Variants in PTGES3 observed in about 807,000 individuals in gnomAD.
PTGES3 encodes prostaglandin E synthase 3.
A neutral mutation model predicts 29.9 loss-of-function variants in PTGES3; 5 were observed. That is an observed-to-expected ratio of 0.17 (90% CI 0.09 to 0.35). The LOEUF (loss-of-function observed/expected upper bound fraction) is 0.35, where lower values mean the gene tolerates loss of function less well. PTGES3 is among the 10% of genes least tolerant of loss of function. The pLI is 1.00. For missense variants in PTGES3, 128 were observed against 190.0 expected, an observed-to-expected ratio of 0.67 and a Z score of 1.92; for synonymous variants, 49 against 57.8, an observed-to-expected ratio of 0.85 and a Z score of 0.69.
In PTGES3 at chr12:56,686,125, G is replaced by A. The variant is rs532039958; in HGVS notation, c.2+1873C>T. Among the ~76,000 whole-genome samples the A allele has an allele frequency of 1.2e-4, 17 of 147,380 alleles. No homozygotes were observed. In the East Asian group the frequency reaches 1.8e-3, roughly 16 times the overall value. On this transcript the variant is annotated intron_variant, in intron 1 of 7. Transcript: ENST00000262033. ...TAAATCTACTTTCCTAGTAATAGCC[G>A]TTCCTTACCTATTTAAATATCTCAT...
chr12:56,687,236 T>G, intron 1 of PTGES3: 1 of 1,023,022 alleles, frequency 9.8e-7, no homozygotes, highest in Non-Finnish European at 1.2e-6. Context: ...TGTAACAAGA[T>G]AGTGAAACCT....
intron 1 of PTGES3, among the ~76,000 whole-genome samples, chr12:56,684,456 T>C (rs1952730938): frequency 6.6e-6 from 1 of 152,208 alleles, no homozygotes; most frequent in South Asian, 2.1e-4. Flanking sequence ...ATATAGCATA[T>C]GTTCACTACG....
At chr12:56,675,898 G>A (rs1049290705) in intron 1 of PTGES3, among the ~76,000 whole-genome samples, 1 of 151,976 alleles carries the variant, frequency 6.6e-6, no homozygotes, top group African/African-American at 2.4e-5. Context: ...ACTCCAGCCT[G>A]GACAACAGCG....
rs530433523 is a variant in PTGES3 at position 56,680,577 on chromosome 12, C to CA, written c.2+7420dup. ...TTTTTTTTAAGTAGAGATGGGGTTT[C>CA]ACCACGCTGGTCAGGCTGGTCTCCA... On this transcript the variant is annotated intron_variant, in intron 1 of 7. Transcript: ENST00000262033. Among the ~76,000 whole-genome samples, 73 of 151,848 alleles carry CA rather than the reference C, an allele frequency of 4.8e-4. No homozygotes were observed. The South Asian group carries it at 5.0e-3, about 10-fold the overall frequency.
chr12:56,681,995 C>T (rs957690172), intron 1 of PTGES3, among the ~76,000 whole-genome samples: 1 of 151,990 alleles, frequency 6.6e-6, no homozygotes, highest in African/African-American at 2.4e-5. Context: ...TACAGGCACC[C>T]GCCACGGTGC....
At chr12:56,679,436 G>A (rs1381070407) in intron 1 of PTGES3, among the ~76,000 whole-genome samples, 3 of 143,082 alleles carry the variant, frequency 2.1e-5, no homozygotes, top group African/African-American at 7.7e-5. Flanking sequence ...AAAAAAGCAT[G>A]GAATGTCCGC....
At chr12:56,680,731 G>A (rs935870450) in intron 1 of PTGES3, among the ~76,000 whole-genome samples, 1 of 151,756 alleles carries the variant, frequency 6.6e-6, no homozygotes, top group Non-Finnish European at 1.5e-5. Context: ...TCCTGATTCA[G>A]GATAAGTGTA....
intron 1 of PTGES3, among the ~76,000 whole-genome samples, chr12:56,675,398 G>A (rs2137649300): frequency 6.6e-6 from 1 of 151,772 alleles, no homozygotes; most frequent in Non-Finnish European, 1.5e-5. Context: ...CTGTGGTTAG[G>A]CCATGAACCA....
Position 56,688,058 on chromosome 12 carries a change from T to G in PTGES3, c.-59A>C. On this transcript the variant is annotated 5_prime_UTR_variant, in exon 1 of 8. Coordinates refer to ENST00000262033, the MANE Select transcript of PTGES3 (RefSeq NM_006601.7). ...GGCGGGCCTCTCTGGCGGCGGCTGC[T>G]GCTAGGGAGTCGACTTCTCTCCGGT... 1 of 1,474,604 alleles carries G rather than the reference T, an allele frequency of 6.8e-7. No homozygotes were observed. The highest frequency in any genetic ancestry group is 9.0e-7 in the Non-Finnish European group (1 of 1,111,118). 91.3% of individuals were successfully genotyped at this position (1,474,604 alleles called of 1,614,324 possible). A position where few individuals can be genotyped will look rare whatever the true frequency, so the allele number is the denominator to read the frequency against.
chr12:56,682,319 G>A (rs911997769), intron 1 of PTGES3, among the ~76,000 whole-genome samples: 1 of 152,162 alleles, frequency 6.6e-6, no homozygotes, highest in Non-Finnish European at 1.5e-5. Context: ...AGCACTCTGG[G>A]AGGCTGAGGA....
At chr12:56,685,350 C>T (rs1439457234) in intron 1 of PTGES3, among the ~76,000 whole-genome samples, 2 of 151,068 alleles carry the variant, frequency 1.3e-5, no homozygotes, top group Non-Finnish European at 2.9e-5. Context: ...GCCCAACACT[C>T]TTCAAGTGGC....
At chr12:56,674,430 G>A (rs182385110) in intron 1 of PTGES3, among the ~76,000 whole-genome samples, 57 of 152,284 alleles carry the variant, frequency 3.7e-4, no homozygotes, top group African/African-American at 1.4e-3. Flanking sequence ...GGTGGCTCAC[G>A]CCTGTAATCC....
chr12:56,672,823 T>A lies in PTGES3; in HGVS notation c.117-14A>T. On this transcript the variant is annotated splice_polypyrimidine_tract_variant and intron_variant, in intron 2 of 7. Coordinates refer to ENST00000262033, the MANE Select transcript of PTGES3 (RefSeq NM_006601.7). ...CCTCCGAGACAACTGTATAAAATAA[T>A]AAAGAAAGAATTAAGCCTCTTCAAA... 6.4e-7 allele frequency: 1 copy of A among 1,569,586 alleles called. No homozygotes were observed. The highest frequency in any genetic ancestry group is 8.6e-7 in the Non-Finnish European group (1 of 1,161,508).
intron 7 of PTGES3, 36 bp downstream of exon 7, chr12:56,664,740 T>C: frequency 6.4e-7 from 1 of 1,569,346 alleles, no homozygotes; most frequent in Non-Finnish European, 8.7e-7. Context: ...TGATGCAAAG[T>C]ATCACTGTAT....
intron 1 of PTGES3, among the ~76,000 whole-genome samples, chr12:56,679,850 T>G (rs557767533): frequency 1.3e-5 from 2 of 152,024 alleles, no homozygotes; most frequent in Non-Finnish European, 2.9e-5. Context: ...AATTTTTGTA[T>G]TTTTAGTAGA....
In PTGES3 at chr12:56,688,088, A is replaced by C; in HGVS notation, c.-89T>G. ...GGGAGTCGACTTCTCTCCGGTGGCG[A>C]CTCCGCTTTTTCTCTCCGGTCGCGG... On this transcript the variant is annotated 5_prime_UTR_variant, in exon 1 of 8. Coordinates refer to ENST00000262033, the MANE Select transcript of PTGES3 (RefSeq NM_006601.7). 2.8e-6 allele frequency: 4 copies of C among 1,420,128 alleles called. No homozygotes were observed. The highest frequency in any genetic ancestry group is 2.8e-5 in the Admixed American group (1 of 35,914). 88.0% of individuals were successfully genotyped at this position (1,420,128 alleles called of 1,614,324 possible). A position where few individuals can be genotyped will look rare whatever the true frequency, so the allele number is the denominator to read the frequency against.
rs943080765 is a variant in PTGES3 at position 56,688,206 on chromosome 12, G to C, written c.-207C>G. 2.3e-6 allele frequency: 2 copies of C among 882,206 alleles called. No homozygotes were observed. Among genetic ancestry groups the C allele is most frequent in the Non-Finnish European group, 3.2e-6 (2 of 628,112 alleles). The allele number at this position is 882,206 out of a possible 1,614,324, so 54.6% of individuals were successfully genotyped here. ...CGCGGAAAGAGCGGCTCCTCCGGTC[G>C]GGGAGAAGAGGAAAGTGTAGGAAAA... On this transcript the variant is annotated 5_prime_UTR_variant, in exon 1 of 8. Transcript: ENST00000262033.
At chr12:56,678,514 G>GGT (rs1157542495) in intron 1 of PTGES3, among the ~76,000 whole-genome samples, 6 of 152,196 alleles carry the variant, frequency 3.9e-5, no homozygotes, top group Non-Finnish European at 5.9e-5. Context: ...ATTGCACATA[G>GGT]TAAAACTATC....
intron 3 of PTGES3, 98 bp from the exon 4 acceptor site, chr12:56,671,945 A>C: frequency 3.0e-6 from 2 of 671,248 alleles, no homozygotes; most frequent in Non-Finnish European, 4.5e-6. Flanking sequence ...TCTTTACCTA[A>C]ATTTTCTCTG....
Sources: gnomAD v4.1 joint callset for allele counts (sites outside exome capture counted in the v4.1 genomes callset) on GRCh38, gnomAD v4.1.1 for gene constraint, MANE v1.5 for transcripts, NCBI Gene and HGNC (gene_info 2026-07-23, HGNC 2026-07-21) for gene names.